Variants in SNX18 observed in about 807,000 individuals in gnomAD.
SNX18 encodes the protein sorting nexin 18.
In SNX18, 35 loss-of-function variants were observed where a neutral mutation model predicts 48.7. The ratio of observed to expected loss-of-function variants is 0.72; its 90% CI spans 0.55 to 0.95. SNX18 has a LOEUF of 0.95. Ranked by LOEUF, SNX18 falls within the 40% of genes least tolerant of loss-of-function variation. The pLI is 0.00. For synonymous variants in SNX18, 492 were observed against 384.7 expected (o/e 1.28, Z -3.26); for missense variants, 824 against 871.0 (o/e 0.95, Z 0.68).
At chr5:54,638,206 G>C in the SNX18 span, among the ~76,000 whole-genome samples, 1 of 152,108 alleles carries the variant, frequency 6.6e-6, no homozygotes, top group African/African-American at 2.4e-5. Flanking sequence ...TAGCTGCCAC[G>C]GTGCATTTTT....
At chr5:54,618,421 ATCCCAGCAGAG>A in the SNX18 span, among the ~76,000 whole-genome samples, 1 of 152,184 alleles carries the variant, frequency 6.6e-6, no homozygotes, top group Non-Finnish European at 1.5e-5. Context: ...AGCAGATCAA[ATCCCAGCAGAG>A]TCCCAGGTCA....
the SNX18 span, among the ~76,000 whole-genome samples, chr5:54,566,433 C>T: frequency 6.6e-5 from 10 of 152,192 alleles, no homozygotes; most frequent in South Asian, 2.1e-4. Context: ...CAGGGCATCT[C>T]GCCACTGCTT....
chr5:54,539,643 G>A (rs1206657920), intron 1 of SNX18, among the ~76,000 whole-genome samples: 1 of 152,084 alleles, frequency 6.6e-6, no homozygotes, highest in African/African-American at 2.4e-5. Flanking sequence ...GCTTTGTGGT[G>A]TGTCTCCTGT....
chr5:54,553,889 T>C, the SNX18 span, among the ~76,000 whole-genome samples: 1 of 152,146 alleles, frequency 6.6e-6, no homozygotes, highest in African/African-American at 2.4e-5. Flanking sequence ...TCTGGGGACC[T>C]TATAACTGCC....
the SNX18 span, among the ~76,000 whole-genome samples, chr5:54,613,241 A>G: frequency 6.6e-6 from 1 of 152,108 alleles, no homozygotes; most frequent in Non-Finnish European, 1.5e-5. Flanking sequence ...TCTATAACAG[A>G]ATTCCTGAAA....
intron 1 of SNX18, among the ~76,000 whole-genome samples, chr5:54,537,971 A>G (rs1762388234): frequency 6.6e-6 from 1 of 152,226 alleles, no homozygotes; most frequent in Non-Finnish European, 1.5e-5. Context: ...CTTAATTTCT[A>G]AAGCTATCCT....
At chr5:54,600,077 A>G in the SNX18 span, among the ~76,000 whole-genome samples, 4 of 152,224 alleles carry the variant, frequency 2.6e-5, no homozygotes, top group African/African-American at 9.6e-5. Flanking sequence ...TTCACAGTCT[A>G]TCCATCCAAC....
Position 54,518,039 on chromosome 5 carries a change from G to GTGCAGCGA in SNX18, c.88_95dup (p.Glu32AspfsTer30). ...TGCGAGAGCACGAGGTGCTGAGCCTGTGCAGCGAGCAGGACATCGAGGGCT... is the reference window on the plus strand; with the variant it reads ...TGCGAGAGCACGAGGTGCTGAGCCTGTGCAGCGATGCAGCGAGCAGGACATCGAGGGCT... On this transcript the variant is annotated frameshift_variant, in exon 1 of 2. Transcript: ENST00000381410. LOFTEE classifies it high-confidence loss of function. 6.5e-7 allele frequency: 1 copy of GTGCAGCGA among 1,548,254 alleles called. No individual in the cohort carries two copies. Among genetic ancestry groups the GTGCAGCGA allele is most frequent in the Non-Finnish European group, 8.7e-7 (1 of 1,151,334 alleles).
chr5:54,612,776 C>T, the SNX18 span, among the ~76,000 whole-genome samples: 3 of 152,258 alleles, frequency 2.0e-5, no homozygotes, highest in South Asian at 2.1e-4. Context: ...TTACAGTCTT[C>T]GCCAAGGACA....
chr5:54,625,914 C>T, the SNX18 span, among the ~76,000 whole-genome samples: 1 of 152,128 alleles, frequency 6.6e-6, no homozygotes, highest in African/African-American at 2.4e-5. Context: ...CTGTCACCAT[C>T]TGGAAAAAGC....
chr5:54,601,322 A>G, the SNX18 span, among the ~76,000 whole-genome samples: 1 of 152,136 alleles, frequency 6.6e-6, no homozygotes, highest in African/African-American at 2.4e-5. Context: ...TAACCATCTA[A>G]CCATTTATCT....
At chr5:54,633,619 A>G in the SNX18 span, among the ~76,000 whole-genome samples, 1 of 152,350 alleles carries the variant, frequency 6.6e-6, no homozygotes, top group African/African-American at 2.4e-5. Flanking sequence ...AATATTATAT[A>G]CCTCATAGGT....
At chr5:54,529,787 CCT>C (rs1358033834) in intron 1 of SNX18, among the ~76,000 whole-genome samples, 2 of 152,164 alleles carry the variant, frequency 1.3e-5, no homozygotes, top group African/African-American at 2.4e-5. Flanking sequence ...CACTTCTTAA[CCT>C]CTGTTTCCTC....
chr5:54,541,152 C>T (rs1377277916), intron 1 of SNX18, among the ~76,000 whole-genome samples: 2 of 152,138 alleles, frequency 1.3e-5, no homozygotes, highest in African/African-American at 4.8e-5. Flanking sequence ...CCCAACCTCC[C>T]GAGTAGCTGG....
In SNX18 at chr5:54,518,861, G is replaced by A; in HGVS notation, c.909G>A (p.Thr303=). The A allele has an allele frequency of 2.5e-6, 4 of 1,613,050 alleles. No homozygotes were observed. Among genetic ancestry groups the A allele is most frequent in the Non-Finnish European group, 3.4e-6 (4 of 1,179,418 alleles). The change falls in exon 1 of 2, where the codon ACG becomes ACA. Residue 303 remains threonine, a synonymous_variant. Coordinates refer to ENST00000381410, the MANE Select transcript of SNX18 (RefSeq NM_001102575.2). ...ACATCTCCTACAAGCTGGTGCCCACGCACACGCAGGTGCCGGTGCATCGGC... is the reference window on the plus strand; with the variant it reads ...ACATCTCCTACAAGCTGGTGCCCACACACACGCAGGTGCCGGTGCATCGGC... ...KSYISYKLVP[T]HTQVPVHRRY...
chr5:54,597,124 A>C, the SNX18 span, among the ~76,000 whole-genome samples: 1 of 152,206 alleles, frequency 6.6e-6, no homozygotes, highest in East Asian at 1.9e-4. Context: ...GACAAAATAG[A>C]CTTTAAATCA....
chr5:54,532,319 C>T (rs73754377), intron 1 of SNX18, among the ~76,000 whole-genome samples: 529 of 130,646 alleles, frequency 4.0e-3, no homozygotes, highest in Non-Finnish European at 4.8e-3. Context: ...TTTTTTTTTT[C>T]TTTTTTTTTT....
At chr5:54,585,183 T>G in the SNX18 span, among the ~76,000 whole-genome samples, 1 of 151,772 alleles carries the variant, frequency 6.6e-6, no homozygotes, top group African/African-American at 2.4e-5. Flanking sequence ...TCCCCACTAC[T>G]CAGGAGGCTG....
chr5:54,620,375 C>A, the SNX18 span, among the ~76,000 whole-genome samples: 2 of 152,156 alleles, frequency 1.3e-5, no homozygotes, highest in African/African-American at 4.8e-5. Flanking sequence ...ATGTCATCTT[C>A]AACTGGGGGA....
Sources: gnomAD v4.1 joint callset for allele counts (sites outside exome capture counted in the v4.1 genomes callset) on GRCh38, gnomAD v4.1.1 for gene constraint, MANE v1.5 for transcripts, NCBI Gene and HGNC (gene_info 2026-07-23, HGNC 2026-07-21) for gene names.